Variants in SCGB2B2 observed in about 807,000 individuals in gnomAD.
SCGB2B2 encodes secretoglobin-like protein.
SCGB2B2 carries 11 observed loss-of-function variants against 7.6 expected under a neutral mutation model. The ratio of observed to expected loss-of-function variants is 1.45; its 90% CI spans 0.91 to 2.40. The LOEUF (loss-of-function observed/expected upper bound fraction) is 2.40. Among genes scored for constraint, SCGB2B2 ranks in the 30% most tolerant of loss-of-function variants. SCGB2B2 has a pLI of 0.00. For synonymous variants in SCGB2B2, 50 were observed against 48.6 expected, an observed-to-expected ratio of 1.03 and a Z score of -0.12; for missense variants, 104 against 115.4, an observed-to-expected ratio of 0.90 and a Z score of 0.45.
Position 34,648,832 on chromosome 19 carries a change from CCT to C in SCGB2B2, c.-2032+26796_-2032+26797del, listed in dbSNP as rs533625703. ...TTGCATTATTTATTTTAGAAATTCC[CCT>C]CTTTGTGTTGGACTGCAAATTCAGT... On this transcript the variant is annotated intron_variant, in intron 1 of 3. Transcript: ENST00000601241. 3.3e-5 allele frequency among the ~76,000 whole-genome samples: 5 copies of C among 151,172 alleles called. No individual in the cohort carries two copies. In the East Asian group the frequency reaches 9.7e-4, roughly 29 times the overall value.
intron 1 of SCGB2B2, chr19:34,635,007 C>T: frequency 3.4e-6 from 1 of 293,168 alleles, no homozygotes; most frequent in East Asian, 9.4e-5. Context: ...ATTCAGTGCA[C>T]TTATAAGGCC....
chr19:34,605,873 C>T (rs568086915), intron 1 of SCGB2B2, among the ~76,000 whole-genome samples: 12 of 152,162 alleles, frequency 7.9e-5, no homozygotes, highest in East Asian at 1.9e-4. Context: ...GGATTACAGG[C>T]GTGAGCCACT....
chr19:34,659,954 G>C (rs2067404436), intron 1 of SCGB2B2, among the ~76,000 whole-genome samples: 1 of 152,168 alleles, frequency 6.6e-6, no homozygotes, highest in Non-Finnish European at 1.5e-5. Context: ...CAATGGAACA[G>C]AACAGAGCCC....
intron 1 of SCGB2B2, among the ~76,000 whole-genome samples, chr19:34,610,492 C>T (rs1035714825): frequency 1.3e-5 from 2 of 152,156 alleles, no homozygotes; most frequent in Admixed American, 6.5e-5. Context: ...TTTCTATACC[C>T]GGTTTGTTAA....
At chr19:34,623,882 C>T (rs1390444627) in intron 1 of SCGB2B2, among the ~76,000 whole-genome samples, 9 of 152,162 alleles carry the variant, frequency 5.9e-5, no homozygotes, top group East Asian at 3.8e-4. Flanking sequence ...GTCCTACCTT[C>T]GATGAGGACA....
At chr19:34,670,239 T>G (rs932956862) in intron 1 of SCGB2B2, among the ~76,000 whole-genome samples, 3 of 152,172 alleles carry the variant, frequency 2.0e-5, no homozygotes, top group African/African-American at 7.2e-5. Context: ...TTAAAAGATG[T>G]CATCATAAAA....
At chr19:34,651,003 A>G (rs1400398764) in intron 1 of SCGB2B2, among the ~76,000 whole-genome samples, 1 of 151,400 alleles carries the variant, frequency 6.6e-6, no homozygotes, top group African/African-American at 2.5e-5. Flanking sequence ...TACAAGAAGC[A>G]TATGATCATC....
intron 1 of SCGB2B2, among the ~76,000 whole-genome samples, chr19:34,633,621 G>A (rs2066596472): frequency 1.3e-5 from 2 of 152,184 alleles, no homozygotes; most frequent in South Asian, 4.1e-4. Context: ...GCCAGGGAGG[G>A]AGGGAAAGAG....
chr19:34,593,623 G>A, intron 3 of SCGB2B2, 24 bp from the exon 4 acceptor site: 1 of 1,549,136 alleles, frequency 6.5e-7, no homozygotes, highest in Non-Finnish European at 8.7e-7. Context: ...AAGAAAGAGA[G>A]GAGCCGGTGG....
intron 1 of SCGB2B2, among the ~76,000 whole-genome samples, chr19:34,636,268 T>C (rs2066674926): frequency 6.6e-6 from 1 of 152,158 alleles, no homozygotes; most frequent in Admixed American, 6.5e-5. Context: ...CAGGAACAAG[T>C]ACACAGGACT....
chr19:34,672,540 C>T (rs996994378), intron 1 of SCGB2B2, among the ~76,000 whole-genome samples: 10 of 152,292 alleles, frequency 6.6e-5, no homozygotes, highest in African/African-American at 2.4e-4. Flanking sequence ...TAGCTCTAGT[C>T]TTATCTGTGG....
intron 1 of SCGB2B2, among the ~76,000 whole-genome samples, chr19:34,655,329 C>A (rs2067254582): frequency 6.6e-6 from 1 of 151,276 alleles, no homozygotes; most frequent in South Asian, 2.1e-4. Flanking sequence ...CGTTCTGAAG[C>A]CTGCTACCTG....
rs1224528071 is a variant in SCGB2B2 at position 34,677,082 on chromosome 19, C to G, written c.-3484G>C. 6.6e-6 allele frequency: 1 copy of G among 151,106 alleles called. No homozygotes were observed. The highest frequency in any genetic ancestry group is 2.4e-5 in the African/African-American group (1 of 41,006). 9.4% of individuals were successfully genotyped at this position (151,106 alleles called of 1,614,324 possible). On this transcript the variant is annotated 5_prime_UTR_variant, in exon 1 of 4. Transcript: ENST00000601241. ...TGTCCCCTTGCATTTCCAGGAAATG[C>G]CCTTGGTTGGCGAACTACAGTCGTG...
At chr19:34,634,820 G>A (rs1000554023) in intron 1 of SCGB2B2, 4 of 240,856 alleles carry the variant, frequency 1.7e-5, no homozygotes, top group Non-Finnish European at 1.8e-5. Context: ...TAACGCTGAA[G>A]GCTTTCCCAC....
intron 1 of SCGB2B2, among the ~76,000 whole-genome samples, chr19:34,624,529 G>A (rs1437476630): frequency 6.6e-6 from 1 of 152,160 alleles, no homozygotes; most frequent in Non-Finnish European, 1.5e-5. Flanking sequence ...TCCCCAGGCT[G>A]TAAAAACTCC....
intron 1 of SCGB2B2, among the ~76,000 whole-genome samples, chr19:34,661,571 C>T (rs935349981): frequency 3.3e-5 from 5 of 152,222 alleles, no homozygotes; most frequent in Non-Finnish European, 5.9e-5. Flanking sequence ...GTGTACTCAA[C>T]GCAGTGCCAC....
intron 1 of SCGB2B2, among the ~76,000 whole-genome samples, chr19:34,610,791 G>A (rs1012678437): frequency 7.1e-6 from 1 of 141,580 alleles, no homozygotes; most frequent in East Asian, 2.1e-4. Context: ...TTCTGTATGC[G>A]TGTGTCCTTG....
chr19:34,625,368 A>G (rs1458503538), intron 1 of SCGB2B2, among the ~76,000 whole-genome samples: 2 of 152,210 alleles, frequency 1.3e-5, no homozygotes, highest in Non-Finnish European at 1.5e-5. Context: ...TCCCTTTCCT[A>G]GTCAAAGAAA....
chr19:34,639,041 T>C (rs1450254663), intron 1 of SCGB2B2, among the ~76,000 whole-genome samples: 2 of 152,198 alleles, frequency 1.3e-5, no homozygotes, highest in Non-Finnish European at 2.9e-5. Flanking sequence ...GGCCAAGACT[T>C]ACCTCCATCC....
Sources: gnomAD v4.1 joint callset for allele counts (sites outside exome capture counted in the v4.1 genomes callset) on GRCh38, gnomAD v4.1.1 for gene constraint, MANE v1.5 for transcripts, NCBI Gene and HGNC (gene_info 2026-07-23, HGNC 2026-07-21) for gene names.